NDUFAF6: variants seen among roughly 807,000 people sequenced by gnomAD.
The protein encoded by NDUFAF6 is NADH:ubiquinone oxidoreductase complex assembly factor 6.
NDUFAF6 carries 45 observed loss-of-function variants against 40.8 expected under a neutral mutation model. That is an observed-to-expected ratio of 1.10 (90% CI 0.87 to 1.42). The LOEUF (loss-of-function observed/expected upper bound fraction) is 1.42. Among genes scored for constraint, NDUFAF6 ranks in the 40% most tolerant of loss-of-function variants. The pLI is 0.00. For synonymous variants in NDUFAF6, 185 were observed against 155.9 expected (o/e 1.19, Z -1.39); for missense variants, 435 against 418.5 (o/e 1.04, Z -0.34).
chr8:95,077,973 G>T (rs1808686682), downstream of NDUFAF6, among the ~76,000 whole-genome samples: 1 of 152,026 alleles, frequency 6.6e-6, no homozygotes, highest in South Asian at 2.1e-4. Context: ...GGTAGATGGA[G>T]CCAGCAGCAG....
At chr8:94,906,057 G>C (rs1818370832) in intron 1 of NDUFAF6, among the ~76,000 whole-genome samples, 1 of 152,128 alleles carries the variant, frequency 6.6e-6, no homozygotes, top group Non-Finnish European at 1.5e-5. Context: ...CAAGGTTCAA[G>C]GGCGGCACAT....
chr8:94,920,109 A>G (rs1254280056), intron 1 of NDUFAF6, among the ~76,000 whole-genome samples: 1 of 152,210 alleles, frequency 6.6e-6, no homozygotes, highest in South Asian at 2.1e-4. Context: ...AGTTTGATAT[A>G]TAATGATAAC....
upstream of NDUFAF6, among the ~76,000 whole-genome samples, chr8:94,956,713 C>T (rs1823105814): frequency 6.6e-6 from 1 of 151,896 alleles, no homozygotes; most frequent in Non-Finnish European, 1.5e-5. Context: ...GGGGTTAGGA[C>T]CAGGATGGCA....
chr8:95,039,493 G>A (rs950141349), intron 3 of NDUFAF6, among the ~76,000 whole-genome samples: 1 of 151,696 alleles, frequency 6.6e-6, no homozygotes, highest in African/African-American at 2.4e-5. Flanking sequence ...GCCCAGGCTG[G>A]TCTCAAACTC....
chr8:94,976,681 A>G (rs1824977480), intron 1 of NDUFAF6, among the ~76,000 whole-genome samples: 1 of 151,976 alleles, frequency 6.6e-6, no homozygotes, highest in Non-Finnish European at 1.5e-5. Context: ...CTAAAAAAAA[A>G]AAAATACTGA....
chr8:95,097,929 A>G (rs1809520308), upstream of NDUFAF6, among the ~76,000 whole-genome samples: 1 of 152,212 alleles, frequency 6.6e-6, no homozygotes, highest in African/African-American at 2.4e-5. Flanking sequence ...AGAAAGTATC[A>G]TGCAACAGTT....
At chr8:95,012,482 C>T (rs1361676023) in intron 2 of NDUFAF6, among the ~76,000 whole-genome samples, 2 of 152,078 alleles carry the variant, frequency 1.3e-5, no homozygotes, top group Admixed American at 6.6e-5. Flanking sequence ...TGGGGCATTT[C>T]TAATATTTGA....
At chr8:94,927,882 C>A (rs879244559) in intron 1 of NDUFAF6, 1 of 148,974 alleles carries the variant, frequency 6.7e-6, no homozygotes, top group Non-Finnish European at 1.5e-5. Context: ...ATGTCTAAAG[C>A]GCATTGTAAA....
chr8:95,022,945 A>G (rs138944501), upstream of NDUFAF6, among the ~76,000 whole-genome samples: 444 of 152,274 alleles, frequency 2.9e-3, 1 homozygote, highest in African/African-American at 9.7e-3. Flanking sequence ...CCAAGATGAA[A>G]TATGGAAGGT....
chr8:94,941,355 A>G (rs1190816154), intron 1 of NDUFAF6, among the ~76,000 whole-genome samples: 1 of 152,158 alleles, frequency 6.6e-6, no homozygotes, highest in Non-Finnish European at 1.5e-5. Flanking sequence ...CTTTTATAAT[A>G]AGGTGAATTT....
chr8:95,113,327 A>G (rs1810048063), intron 4 of NDUFAF6, among the ~76,000 whole-genome samples: 1 of 152,242 alleles, frequency 6.6e-6, no homozygotes, highest in Non-Finnish European at 1.5e-5. Context: ...CAGAGGGGAT[A>G]GTAGCTGACT....
At chr8:95,033,348 C>A (rs755527505) in intron 2 of NDUFAF6, among the ~76,000 whole-genome samples, 1 of 152,126 alleles carries the variant, frequency 6.6e-6, no homozygotes, top group African/African-American at 2.4e-5. Flanking sequence ...CCAGTCAATA[C>A]AATTTTATTT....
chr8:94,984,150 A>G (rs1825657766), intron 2 of NDUFAF6: 1 of 152,228 alleles, frequency 6.6e-6, no homozygotes, highest in East Asian at 1.9e-4. Context: ...CTATCAAAAT[A>G]GTTTTAAATT....
At chr8:95,068,580 C>T (rs886897841) in intron 9 of NDUFAF6, 1 of 151,848 alleles carries the variant, frequency 6.6e-6, no homozygotes, top group Non-Finnish European at 1.5e-5. Context: ...CAGTCTGATT[C>T]CAAAGCTCAA....
At chr8:94,922,216 T>G (rs1819550221) in intron 1 of NDUFAF6, among the ~76,000 whole-genome samples, 1 of 152,094 alleles carries the variant, frequency 6.6e-6, no homozygotes, top group Non-Finnish European at 1.5e-5. Context: ...TTCACCGTGT[T>G]AGCCAGGATG....
In NDUFAF6 at chr8:95,090,294, C is replaced by T. The variant is rs145588002; in HGVS notation, n.214-10838C>T. ...GAATTTCACATTCCTAGGCCATTTA[C>T]CTAGCACGCCTGCACCTGTGACTTA... On this transcript the variant is annotated intron_variant and non_coding_transcript_variant, in intron 2 of 5. Transcript: ENST00000523184. Among the ~76,000 whole-genome samples the T allele has an allele frequency of 2.4e-3, 363 of 152,292 alleles. 2 individuals carry two copies. Among genetic ancestry groups the T allele is most frequent in the Middle Eastern group, 0.014 (4 of 294 alleles).
At chr8:95,025,597 C>T (rs1828016679) in intron 1 of NDUFAF6, among the ~76,000 whole-genome samples, 1 of 152,156 alleles carries the variant, frequency 6.6e-6, no homozygotes. Context: ...AGTAATTAGT[C>T]TTCATTACAA....
chr8:95,060,415 A>G (rs1346846874), downstream of NDUFAF6, among the ~76,000 whole-genome samples: 1 of 152,234 alleles, frequency 6.6e-6, no homozygotes, highest in Non-Finnish European at 1.5e-5. Context: ...CAATGTAGGT[A>G]AAGTTGCATA....
At chr8:94,991,918 A>G (rs1826213158) in intron 2 of NDUFAF6, among the ~76,000 whole-genome samples, 1 of 151,988 alleles carries the variant, frequency 6.6e-6, no homozygotes, top group African/African-American at 2.4e-5. Flanking sequence ...CCTACAACAA[A>G]TAAAGCTGCA....
Sources: gnomAD v4.1 joint callset for allele counts (sites outside exome capture counted in the v4.1 genomes callset) on GRCh38, gnomAD v4.1.1 for gene constraint, MANE v1.5 for transcripts, NCBI Gene and HGNC (gene_info 2026-07-23, HGNC 2026-07-21) for gene names.